The following ASCC3 variants were observed in gnomAD, a reference collection of about 807,000 sequenced individuals.
ASCC3 encodes ASC-1 complex subunit P200.
ASCC3 carries 158 observed loss-of-function variants against 256.3 expected under a neutral mutation model. That is an observed-to-expected ratio of 0.62 (90% confidence interval 0.54 to 0.70). The LOEUF is 0.70. Among genes scored for constraint, ASCC3 ranks in the 30% least tolerant of loss-of-function variants. The probability of loss-of-function intolerance (pLI) is 0.00; values close to 1 mark genes in which losing one functional copy is unlikely to be tolerated. For synonymous variants in ASCC3, 948 were observed against 883.4 expected (o/e 1.07, Z -1.30); for missense variants, 2,259 against 2,626.0 (o/e 0.86, Z 3.05).
rs868344138 is a variant in ASCC3 at position 100,552,371 on chromosome 6, T to C, written c.5551-11984A>G. Among the ~76,000 whole-genome samples the C allele has an allele frequency of 1.2e-4, 18 of 152,134 alleles. No homozygotes were observed. The Middle Eastern group carries it at 0.014, about 115-fold the overall frequency. On this transcript the variant is annotated intron_variant, in intron 36 of 41. Coordinates refer to ENST00000369162, the MANE Select transcript of ASCC3 (RefSeq NM_006828.4). The stretch of plus-strand genomic sequence containing the variant: ...AAAGAAACAAGATTTTTAAAACTTA[T>C]GCTTTACTAGTAGTTTCACATTCAT...
intron 37 of ASCC3, among the ~76,000 whole-genome samples, chr6:100,527,287 C>T (rs1202755052): frequency 3.9e-5 from 6 of 152,082 alleles, no homozygotes; most frequent in African/African-American, 7.2e-5. Context: ...AAGCTTCTTG[C>T]GCAGTACTGT....
intron 34 of ASCC3, among the ~76,000 whole-genome samples, chr6:100,601,433 G>A (rs924127856): frequency 1.3e-5 from 2 of 151,738 alleles, no homozygotes; most frequent in African/African-American, 2.4e-5. Context: ...ACTTATAAAT[G>A]CCCCACAAAT....
At chr6:100,713,281 A>C (rs1778937931) in intron 13 of ASCC3, among the ~76,000 whole-genome samples, 1 of 152,182 alleles carries the variant, frequency 6.6e-6, no homozygotes, top group East Asian at 1.9e-4. Flanking sequence ...GACATGCGGA[A>C]CCTAGAATAC....
chr6:100,685,853 A>G (rs1777544482), intron 13 of ASCC3, among the ~76,000 whole-genome samples: 1 of 152,224 alleles, frequency 6.6e-6, no homozygotes, highest in Non-Finnish European at 1.5e-5. Context: ...AGAATCATCC[A>G]TAGTTAGACA....
chr6:100,553,163 A>G (rs1562113934), intron 36 of ASCC3, among the ~76,000 whole-genome samples: 2 of 152,062 alleles, frequency 1.3e-5, no homozygotes, highest in Non-Finnish European at 2.9e-5. Context: ...TTTTTTACTT[A>G]GTTAAGATTA....
In ASCC3 at chr6:100,652,712, AT is replaced by A. The variant is rs774271193; in HGVS notation, c.2988+12del. 2.5e-6 allele frequency: 4 copies of A among 1,610,346 alleles called. No individual in the cohort carries two copies. Among genetic ancestry groups the A allele is most frequent in the Non-Finnish European group, 3.4e-6 (4 of 1,176,886 alleles). ...TGCATCTAAAATCAAACATATTTGC[AT>A]TAGTATAATACCTCAATGGTGTTGT... is the stretch of plus-strand genomic sequence containing the variant. On this transcript the variant is annotated intron_variant, in intron 18 of 41. Transcript: ENST00000369162.
intron 13 of ASCC3, among the ~76,000 whole-genome samples, chr6:100,701,895 G>T (rs771275311): frequency 6.6e-6 from 1 of 152,072 alleles, no homozygotes; most frequent in Non-Finnish European, 1.5e-5. Flanking sequence ...AAGTAAAAGA[G>T]CATCACTATG....
chr6:100,717,586 T>C (rs930322561), intron 12 of ASCC3, among the ~76,000 whole-genome samples: 2 of 151,940 alleles, frequency 1.3e-5, no homozygotes, highest in African/African-American at 2.4e-5. Context: ...CATTTATATA[T>C]ATAATAATAA....
At chr6:100,699,774 C>T (rs1447073538) in intron 13 of ASCC3, among the ~76,000 whole-genome samples, 2 of 152,102 alleles carry the variant, frequency 1.3e-5, no homozygotes, top group Non-Finnish European at 2.9e-5. Flanking sequence ...AAAGGTGACT[C>T]TTGTTATGTT....
intron 30 of ASCC3, among the ~76,000 whole-genome samples, chr6:100,615,361 C>T (rs992382237): frequency 5.4e-5 from 8 of 147,628 alleles, no homozygotes; most frequent in African/African-American, 1.3e-4. Context: ...CTTTTCTATT[C>T]GATATTGTTG....
In ASCC3 at chr6:100,568,785, TA is replaced by T. The variant is rs1160257969; in HGVS notation, c.5550+20848del. Among the ~76,000 whole-genome samples the T allele has an allele frequency of 2.5e-3, 375 of 147,826 alleles. 2 individuals carry two copies. Among genetic ancestry groups the T allele is most frequent in the African/African-American group, 7.6e-3 (305 of 40,360 alleles). On this transcript the variant is annotated intron_variant, in intron 36 of 41. Transcript: ENST00000369162. ...TTATTATTATTATTATTATTATTATTATTATTTTTTGAGACAGAGTCTCCCT... is the reference window on the plus strand; with the variant it reads ...TTATTATTATTATTATTATTATTATTTTATTTTTTGAGACAGAGTCTCCCT...
At chr6:100,516,696 T>C (rs1252888793) in intron 38 of ASCC3, among the ~76,000 whole-genome samples, 1 of 152,162 alleles carries the variant, frequency 6.6e-6, no homozygotes, top group Non-Finnish European at 1.5e-5. Context: ...TATAATTACT[T>C]AAATAAAGTT....
chr6:100,724,148 C>CAAAAAAAAAAAAA (rs574759618), intron 11 of ASCC3, among the ~76,000 whole-genome samples: 5 of 126,322 alleles, frequency 4.0e-5, no homozygotes, highest in Admixed American at 8.1e-5. Context: ...TACAAAAAAA[C>CAAAAAAAAAAAAA]AAAAAAAAAA....
chr6:100,810,854 C>T (rs1432567761), intron 4 of ASCC3, among the ~76,000 whole-genome samples: 3 of 152,070 alleles, frequency 2.0e-5, no homozygotes, highest in Admixed American at 6.6e-5. Flanking sequence ...ACTAAATCTA[C>T]ATTAAGATTC....
At position 100,661,808 on chromosome 6, in the gene ASCC3, C is replaced by G; in HGVS notation, c.2701G>C (p.Glu901Gln). The G allele has an allele frequency of 2.5e-6, 4 of 1,612,676 alleles. No individual in the cohort carries two copies. The highest frequency in any genetic ancestry group is 3.4e-6 in the Non-Finnish European group (4 of 1,178,952). The change falls in exon 16 of 42, where the codon GAG becomes CAG. Residue 901 changes from glutamate to glutamine, a missense_variant and splice_region_variant. Physicochemically the swap from Glu to Gln is conservative, Grantham distance 29. Coordinates refer to ENST00000369162, the MANE Select transcript of ASCC3 (RefSeq NM_006828.4). ...LESLADNLNA[E>Q]IALGTVTNVE... ...AACTTTTACTCATTAGATCTTACCT[C>G]TGCATTTAGGTTATCTGCAAGGCTT...
chr6:100,779,299 C>G (rs931735445), intron 8 of ASCC3, among the ~76,000 whole-genome samples: 1 of 152,088 alleles, frequency 6.6e-6, no homozygotes, highest in African/African-American at 2.4e-5. Flanking sequence ...CGCTATGTTG[C>G]TGAAGTTGGT....
At chr6:100,747,841 T>C (rs1780757964) in intron 10 of ASCC3, among the ~76,000 whole-genome samples, 1 of 151,930 alleles carries the variant, frequency 6.6e-6, no homozygotes, top group Non-Finnish European at 1.5e-5. Context: ...GCACATTAGT[T>C]ATACCTCAAT....
chr6:100,596,767 C>A (rs1174836302), intron 34 of ASCC3, among the ~76,000 whole-genome samples: 2 of 152,096 alleles, frequency 1.3e-5, no homozygotes, highest in Non-Finnish European at 2.9e-5. Flanking sequence ...TTATAGTTGA[C>A]CTGACTTACG....
intron 10 of ASCC3, among the ~76,000 whole-genome samples, chr6:100,762,666 A>G (rs1582825450): frequency 6.6e-6 from 1 of 152,278 alleles, no homozygotes; most frequent in Non-Finnish European, 1.5e-5. Context: ...AGGAAATTTT[A>G]TATTCAAACC....
Sources: allele counts gnomAD v4.1 joint callset (sites outside exome capture counted in the v4.1 genomes callset), GRCh38; gene constraint gnomAD v4.1.1; transcripts MANE v1.5; gene names NCBI Gene and HGNC (gene_info 2026-07-23, HGNC 2026-07-21).